Variants in ZNF423 observed in about 807,000 individuals in gnomAD.
The protein encoded by ZNF423 is Ebf-associated zinc finger protein.
ZNF423 carries 12 observed loss-of-function variants against 95.8 expected under a neutral mutation model. That is an observed-to-expected ratio of 0.13 (90% CI 0.08 to 0.20). The LOEUF (loss-of-function observed/expected upper bound fraction) is 0.20. Among genes scored for constraint, ZNF423 ranks in the 10% least tolerant of loss-of-function variants. The pLI is 1.00. For synonymous variants in ZNF423, 749 were observed against 711.9 expected, an observed-to-expected ratio of 1.05 and a Z score of -0.83; for missense variants, 1,316 against 1,737.1, an observed-to-expected ratio of 0.76 and a Z score of 4.31.
At chr16:49,514,210 A>G (rs1472517139) in intron 7 of ZNF423, among the ~76,000 whole-genome samples, 12 of 54,074 alleles carry the variant, frequency 2.2e-4, no homozygotes, top group African/African-American at 1.2e-3. Flanking sequence ...ACACACACAC[A>G]CATGCACACG....
rs1338926654 is a variant in ZNF423 at position 49,635,082 on chromosome 16, G to A, written c.3516+578C>T. 6.6e-6 allele frequency among the ~76,000 whole-genome samples: 1 copy of A among 152,214 alleles called. No homozygotes were observed. The highest frequency in any genetic ancestry group is 1.5e-5 in the Non-Finnish European group (1 of 68,040). ...CCACATACCAGCAACTGCACTAACT[G>A]AAATGATGCCACTGGTGATAAGAGT... On this transcript the variant is annotated intron_variant, in intron 4 of 7. Transcript: ENST00000563137. The surrounding 1 kb of genome is among the most constrained non-coding windows in gnomAD (Gnocchi z 4.8).
intron 1 of ZNF423, among the ~76,000 whole-genome samples, chr16:49,838,717 C>T (rs935070080): frequency 6.6e-6 from 1 of 151,854 alleles, no homozygotes; most frequent in South Asian, 2.1e-4. Context: ...GGCCGGGGGG[C>T]GGCCCGCGGC....
chr16:49,845,691 C>A (rs2035238148), intron 1 of ZNF423, among the ~76,000 whole-genome samples: 2 of 150,724 alleles, frequency 1.3e-5, no homozygotes, highest in East Asian at 2.0e-4. Flanking sequence ...CAGGCTCCTG[C>A]CACCACACCC....
upstream of ZNF423, chr16:49,857,730 GAACACCT>G (rs989865881): frequency 6.6e-6 from 1 of 152,362 alleles, no homozygotes; most frequent in Non-Finnish European, 1.5e-5. The surrounding 1 kb of genome is among the most constrained non-coding windows in gnomAD (Gnocchi z 6.2). Context: ...ACTGTAAAAG[GAACACCT>G]TACCCCTGAG....
chr16:49,580,246 C>A (rs567258254), intron 5 of ZNF423, among the ~76,000 whole-genome samples: 192 of 152,254 alleles, frequency 1.3e-3, no homozygotes, highest in African/African-American at 4.6e-3. Flanking sequence ...CTGTCCCGGT[C>A]ACTCCCCACA....
chr16:49,562,481 T>C (rs1198347834), intron 5 of ZNF423, among the ~76,000 whole-genome samples: 3 of 152,228 alleles, frequency 2.0e-5, no homozygotes, highest in African/African-American at 7.2e-5. Flanking sequence ...TTAACTGTTC[T>C]TGGGAGTCTA....
intron 4 of ZNF423, among the ~76,000 whole-genome samples, chr16:49,631,788 T>C (rs1972511428): frequency 6.6e-6 from 1 of 152,334 alleles, no homozygotes; most frequent in Admixed American, 6.5e-5. Context: ...GCACTTGCCA[T>C]GTGTGGGCAG....
chr16:49,707,156 CGG>C (rs59984354), intron 3 of ZNF423, among the ~76,000 whole-genome samples: 3,375 of 152,258 alleles, frequency 0.022, 125 homozygotes, highest in African/African-American at 0.077. Context: ...TACCTACCCC[CGG>C]GGTCCCTGCC....
At chr16:49,815,912 ATATTTTTTTTTTT>A (rs1243789631) in intron 1 of ZNF423, among the ~76,000 whole-genome samples, 2 of 36,718 alleles carry the variant, frequency 5.4e-5, no homozygotes, top group South Asian at 1.5e-3. Flanking sequence ...ATATATATAT[ATATTTTTTTTTTT>A]TTTTTTTTTT....
intron 1 of ZNF423, among the ~76,000 whole-genome samples, chr16:49,831,480 TCA>T (rs1489802345): frequency 6.6e-6 from 1 of 152,180 alleles, no homozygotes; most frequent in African/African-American, 2.4e-5. Context: ...CCGCAGAGCC[TCA>T]GTTTCCTCAC....
At chr16:49,774,676 G>A (rs377108536) in intron 2 of ZNF423, among the ~76,000 whole-genome samples, 2 of 152,116 alleles carry the variant, frequency 1.3e-5, no homozygotes, top group East Asian at 1.9e-4. Flanking sequence ...GGTGGGCTCT[G>A]CCAGATGAAG....
At chr16:49,615,013 C>G (rs966409733) in intron 5 of ZNF423, among the ~76,000 whole-genome samples, 4 of 152,152 alleles carry the variant, frequency 2.6e-5, no homozygotes, top group Admixed American at 2.0e-4. Flanking sequence ...TGCCTGTAAT[C>G]TCAGTTACTC....
At chr16:49,695,799 T>C (rs903854506) in intron 3 of ZNF423, among the ~76,000 whole-genome samples, 35 of 152,360 alleles carry the variant, frequency 2.3e-4, no homozygotes, top group African/African-American at 8.4e-4. Context: ...GAGTGTGGAC[T>C]GGAATCCAGA....
chr16:49,805,476 T>C (rs1317816510), intron 1 of ZNF423, among the ~76,000 whole-genome samples: 4 of 152,188 alleles, frequency 2.6e-5, no homozygotes, highest in Admixed American at 6.5e-5. Flanking sequence ...GAGCCCAGAT[T>C]TGAAGCTGGG....
intron 3 of ZNF423, among the ~76,000 whole-genome samples, chr16:49,685,688 C>T (rs1373113984): frequency 6.6e-6 from 1 of 152,210 alleles, no homozygotes; most frequent in Non-Finnish European, 1.5e-5. Flanking sequence ...CCTCTGTTCT[C>T]GGTCCCCACT....
intron 3 of ZNF423, among the ~76,000 whole-genome samples, chr16:49,705,890 A>C (rs1374942571): frequency 6.6e-6 from 1 of 152,206 alleles, no homozygotes; most frequent in Non-Finnish European, 1.5e-5. Flanking sequence ...AGAAAAATGT[A>C]TTTTGAGAAA....
intron 5 of ZNF423, among the ~76,000 whole-genome samples, chr16:49,546,076 G>A (rs1969428202): frequency 6.6e-6 from 1 of 152,050 alleles, no homozygotes; most frequent in Non-Finnish European, 1.5e-5. Flanking sequence ...CAGGTGTTGG[G>A]AACATAAGCA....
At chr16:49,691,178 C>A (rs1446991063) in intron 3 of ZNF423, among the ~76,000 whole-genome samples, 1 of 152,236 alleles carries the variant, frequency 6.6e-6, no homozygotes, top group African/African-American at 2.4e-5. Flanking sequence ...AAAGCCCTCG[C>A]CCTCTTGGCA....
intron 1 of ZNF423, chr16:49,822,871 A>T (rs1448397855): frequency 3.3e-6 from 2 of 601,832 alleles, no homozygotes; most frequent in African/African-American, 3.8e-5. Flanking sequence ...TTGCCCAGGT[A>T]GTCATCTACG....
Sources: gnomAD v4.1 joint callset for allele counts (sites outside exome capture counted in the v4.1 genomes callset) on GRCh38, gnomAD v4.1.1 for gene constraint, Gnocchi (gnomAD v3.1) non-coding constraint, MANE v1.5 for transcripts, NCBI Gene and HGNC (gene_info 2026-07-23, HGNC 2026-07-21) for gene names.